Variants in METTL15 observed in about 807,000 individuals in gnomAD.
METTL15 encodes the protein methyltransferase 15, mitochondrial 12S rRNA N4-cytidine.
A neutral mutation model predicts 38.3 loss-of-function variants in METTL15; 34 were observed. That is an observed-to-expected ratio of 0.89 (90% CI 0.68 to 1.18). The LOEUF is 1.18. Ranked by LOEUF, METTL15 falls within the 50% of genes most tolerant of loss-of-function variation. The probability of loss-of-function intolerance (pLI) is 0.00; values close to 1 mark genes in which losing one functional copy is unlikely to be tolerated. For missense variants in METTL15, 438 were observed against 498.4 expected, an observed-to-expected ratio of 0.88 and a Z score of 1.15; for synonymous variants, 162 against 170.9, an observed-to-expected ratio of 0.95 and a Z score of 0.41.
chr11:28,490,885 A>G (rs1480320626), intron 6 of METTL15, among the ~76,000 whole-genome samples: 1 of 152,188 alleles, frequency 6.6e-6, no homozygotes, highest in Non-Finnish European at 1.5e-5. Flanking sequence ...GGGGCATTGT[A>G]TAAAGATAGA....
At chr11:28,408,451 C>T (rs1850695718) in intron 5 of METTL15, among the ~76,000 whole-genome samples, 1 of 152,172 alleles carries the variant, frequency 6.6e-6, no homozygotes, top group South Asian at 2.1e-4. Context: ...TAACTCTATT[C>T]ACAACCTTCA....
chr11:28,344,807 TAATATA>T (rs1459655113), intron 3 of METTL15, among the ~76,000 whole-genome samples: 1 of 152,224 alleles, frequency 6.6e-6, no homozygotes, highest in Non-Finnish European at 1.5e-5. Flanking sequence ...TAGTGCTGTC[TAATATA>T]AATATAATGC....
chr11:28,193,738 G>A (rs1851786196), intron 3 of METTL15, among the ~76,000 whole-genome samples: 1 of 151,988 alleles, frequency 6.6e-6, no homozygotes, highest in African/African-American at 2.4e-5. Flanking sequence ...TGAGAAAAAA[G>A]AAATCCAATA....
intron 6 of METTL15, among the ~76,000 whole-genome samples, chr11:28,498,319 C>T (rs977794490): frequency 6.6e-5 from 10 of 151,882 alleles, no homozygotes; most frequent in Admixed American, 5.9e-4. Context: ...CCACCACGCC[C>T]GGCTAATTTT....
At chr11:28,145,355 C>A (rs2133673090) in intron 3 of METTL15, 1 of 152,102 alleles carries the variant, frequency 6.6e-6, no homozygotes, top group East Asian at 1.9e-4. Context: ...TAAGTCATCT[C>A]AGAATTTTTT....
At chr11:28,223,169 A>G (rs1853321318) in intron 4 of METTL15, among the ~76,000 whole-genome samples, 1 of 152,120 alleles carries the variant, frequency 6.6e-6, no homozygotes, top group Non-Finnish European at 1.5e-5. Flanking sequence ...TTATATATAC[A>G]TCGCTTGTGT....
intron 4 of METTL15, among the ~76,000 whole-genome samples, chr11:28,254,125 A>G (rs942161811): frequency 6.6e-6 from 1 of 152,124 alleles, no homozygotes; most frequent in Non-Finnish European, 1.5e-5. Context: ...CCTTTTCTCT[A>G]CATTCTACCA....
At chr11:28,265,316 G>A (rs1464535489) in intron 4 of METTL15, among the ~76,000 whole-genome samples, 1 of 151,546 alleles carries the variant, frequency 6.6e-6, no homozygotes, top group Non-Finnish European at 1.5e-5. Context: ...AATTAAACTG[G>A]TAATCTATAG....
intron 5 of METTL15, among the ~76,000 whole-genome samples, chr11:28,396,900 C>T (rs1161462978): frequency 6.6e-6 from 1 of 152,016 alleles, no homozygotes; most frequent in Non-Finnish European, 1.5e-5. Flanking sequence ...GAGAAATAGA[C>T]CAATGGAACA....
intron 5 of METTL15, among the ~76,000 whole-genome samples, chr11:28,401,993 A>G (rs1240972923): frequency 6.6e-6 from 1 of 152,006 alleles, no homozygotes; most frequent in Non-Finnish European, 1.5e-5. Context: ...TCTCACCTAA[A>G]GCAAGCATTC....
At chr11:28,376,620 C>A (rs1850315654) in intron 5 of METTL15, among the ~76,000 whole-genome samples, 1 of 152,022 alleles carries the variant, frequency 6.6e-6, no homozygotes, top group East Asian at 1.9e-4. Context: ...TCCAATTTGC[C>A]AGTCTGTGTC....
intron 4 of METTL15, among the ~76,000 whole-genome samples, chr11:28,219,744 G>T (rs1417633041): frequency 1.3e-5 from 2 of 152,076 alleles, no homozygotes; most frequent in East Asian, 3.9e-4. Flanking sequence ...GTGTCCCATA[G>T]ATTCTGGTAT....
At chr11:28,396,032 G>C (rs1228919483) in intron 5 of METTL15, among the ~76,000 whole-genome samples, 1 of 152,126 alleles carries the variant, frequency 6.6e-6, no homozygotes, top group Non-Finnish European at 1.5e-5. Context: ...AAAGGCCTTT[G>C]ACAAAATTCA....
rs187543063 is a variant in METTL15, at chr11:28,392,616, A to T, written c.*358+30580A>T. ...ATTTTGCAGTGATTTATTGGATATAATAACAAAAGTAAAAGCAAAAAAAGC... is the reference window on the plus strand; with the variant it reads ...ATTTTGCAGTGATTTATTGGATATATTAACAAAAGTAAAAGCAAAAAAAGC... On this transcript the variant is annotated intron_variant and NMD_transcript_variant, in intron 5 of 7. Coordinates refer to the METTL15 transcript ENST00000532947. 1.4e-3 allele frequency among the ~76,000 whole-genome samples: 213 copies of T among 152,252 alleles called. 1 individual carries two copies. Among genetic ancestry groups the T allele is most frequent in the Admixed American group, 8.3e-3 (126 of 15,270 alleles).
intron 6 of METTL15, among the ~76,000 whole-genome samples, chr11:28,481,110 G>A (rs1031617656): frequency 1.3e-5 from 2 of 152,158 alleles, no homozygotes; most frequent in African/African-American, 2.4e-5. Flanking sequence ...CTAAGAATCA[G>A]GTAGTTCTGG....
chr11:28,160,277 C>T (rs1850411742), intron 3 of METTL15, among the ~76,000 whole-genome samples: 1 of 151,528 alleles, frequency 6.6e-6, no homozygotes, highest in Non-Finnish European at 1.5e-5. Context: ...TATATATATT[C>T]CATTATATAT....
chr11:28,296,500 A>C (rs902966899), intron 5 of METTL15, among the ~76,000 whole-genome samples: 2 of 152,158 alleles, frequency 1.3e-5, no homozygotes, highest in Non-Finnish European at 2.9e-5. Context: ...ATTAAAGTTT[A>C]AGGTTAGTAT....
chr11:28,249,788 T>C (rs1477932239), intron 4 of METTL15, among the ~76,000 whole-genome samples: 1 of 151,952 alleles, frequency 6.6e-6, no homozygotes, highest in African/African-American at 2.4e-5. Context: ...GTAAATTGCA[T>C]GTCATGGAGG....
At chr11:28,304,137 A>G (rs1310018681) in intron 6 of METTL15, among the ~76,000 whole-genome samples, 2 of 152,034 alleles carry the variant, frequency 1.3e-5, no homozygotes, top group Admixed American at 1.3e-4. Context: ...AGTAGTTGGA[A>G]CTCTTGAGTG....
Sources: allele counts gnomAD v4.1 joint callset (sites outside exome capture counted in the v4.1 genomes callset), GRCh38; gene constraint gnomAD v4.1.1; transcripts MANE v1.5; gene names NCBI Gene and HGNC (gene_info 2026-07-23, HGNC 2026-07-21).